ZNF584: variants seen among roughly 807,000 people sequenced by gnomAD.
ZNF584 encodes zinc finger protein 584.
Under a neutral mutation model 14.7 loss-of-function variants are expected in ZNF584, and 12 were observed. The ratio of observed to expected loss-of-function variants is 0.82; its 90% CI spans 0.52 to 1.32. The LOEUF (loss-of-function observed/expected upper bound fraction) is 1.32. Ranked by LOEUF, ZNF584 falls within the 40% of genes most tolerant of loss-of-function variation. The pLI is 0.00. For missense variants in ZNF584, 478 were observed against 518.8 expected, an observed-to-expected ratio of 0.92 and a Z score of 0.76; for synonymous variants, 204 against 190.9, an observed-to-expected ratio of 1.07 and a Z score of -0.57.
Position 58,409,929 on chromosome 19 carries a change from A to G in ZNF584, c.19-12A>G, listed in dbSNP as rs34511020. On this transcript the variant is annotated splice_polypyrimidine_tract_variant and intron_variant, in intron 1 of 3. Transcript: ENST00000306910. ...TTTTGGTTGTTTTTTTCTGCCCATC[A>G]TTGACCCCAAGGCTCAGTTGGACCC... 328,703 of 1,613,606 alleles carry G rather than the reference A, an allele frequency of 0.2. 35,016 individuals carry two copies. The highest frequency in any genetic ancestry group is 0.22 in the Non-Finnish European group (256,917 of 1,179,764).
At chr19:58,410,581 A>ATATATATATGTGTATATATATG (rs1555785567) in intron 2 of ZNF584, among the ~76,000 whole-genome samples, 1 of 27,914 alleles carries the variant, frequency 3.6e-5, no homozygotes, top group Non-Finnish European at 6.0e-5. Context: ...ATGTATATAT[A>ATATATATATGTGTATATATATG]TGTATATATA....
intron 2 of ZNF584, among the ~76,000 whole-genome samples, chr19:58,414,844 C>T (rs2052619755): frequency 6.6e-6 from 1 of 151,758 alleles, no homozygotes; most frequent in Non-Finnish European, 1.5e-5. Flanking sequence ...TCTGTTTCTT[C>T]AGTTATGTCA....
Position 58,410,745 on chromosome 19 carries a change from GTATA to G in ZNF584, c.169+668_169+671del, listed in dbSNP as rs1298705965. On this transcript the variant is annotated intron_variant, in intron 2 of 3. Coordinates refer to ENST00000306910, the MANE Select transcript of ZNF584 (RefSeq NM_173548.3). ...TATATATGTATATATATATATGTGT[GTATA>G]TATATATATATATGTATATATATAT... Among the ~76,000 whole-genome samples, 214 of 30,404 alleles carry G rather than the reference GTATA, an allele frequency of 7.0e-3. 27 individuals are homozygous for G. Among genetic ancestry groups the G allele is most frequent in the African/African-American group, 0.069 (189 of 2,736 alleles). 19.9% of individuals were successfully genotyped at this position (30,404 alleles called of 152,430 possible). A position where few individuals can be genotyped will look rare whatever the true frequency, so the allele number is the denominator to read the frequency against.
At chr19:58,403,090 T>C (rs2052442267) in intron 1 of ZNF584, among the ~76,000 whole-genome samples, 1 of 152,340 alleles carries the variant, frequency 6.6e-6, no homozygotes, top group Middle Eastern at 3.4e-3. Flanking sequence ...CAAAATGGTA[T>C]AGCCACTTTG....
At chr19:58,406,760 A>G (rs540301519), upstream of ZNF584, 2 of 152,528 alleles carry the variant, frequency 1.3e-5, no homozygotes, top group East Asian at 3.9e-4. Flanking sequence ...CATGAACTGT[A>G]AAGGGCAATC....
chr19:58,416,774 A>T (rs1450534386), intron 3 of ZNF584, 37 bp from the exon 4 acceptor site: 2 of 1,519,264 alleles, frequency 1.3e-6, no homozygotes, highest in African/African-American at 2.8e-5. Flanking sequence ...TCCTCCCTCT[A>T]GTTCAACTCT....
Position 58,417,287 on chromosome 19 carries a change from C to G in ZNF584, c.769C>G (p.Leu257Val). The change falls in exon 4 of 4, where the codon CTT (leucine) becomes GTT (valine). Residue 257 changes from leucine (L) to valine (V), a missense_variant. By Grantham distance (32) the Leu-to-Val change is conservative. Coordinates refer to ENST00000306910, the MANE Select transcript of ZNF584 (RefSeq NM_173548.3). ...TAAAACCTTCAACCGCAAAGACGCA[C>G]TTGTTCTACACCAGAGGATTCACAC... ...CGKTFNRKDA[L>V]VLHQRIHTGE... The G allele has an allele frequency of 6.2e-7, 1 of 1,614,220 alleles. No homozygotes were observed. Among genetic ancestry groups the G allele is most frequent in the South Asian group, 1.1e-5 (1 of 91,084 alleles).
intron 2 of ZNF584, among the ~76,000 whole-genome samples, chr19:58,410,727 GTATA>G (rs138175671): frequency 2.2e-4 from 8 of 36,596 alleles, no homozygotes; most frequent in African/African-American, 1.0e-3. Context: ...ATATATATAT[GTATA>G]TATATATATG....
rs1418280098 is a variant in ZNF584 at position 58,417,235 on chromosome 19, A to G, written c.717A>G (p.Ile239Met). The change falls in exon 4 of 4, where the codon ATA (isoleucine) becomes ATG (methionine). Residue 239 changes from isoleucine to methionine, a missense_variant. Coordinates refer to ENST00000306910, the MANE Select transcript of ZNF584 (RefSeq NM_173548.3). ...LRKHQKVHTG[I>M]KPFKCSDCGK... is the part of the protein sequence containing the mutation. ...AACACCAGAAGGTTCACACAGGCAT[A>G]AAACCTTTTAAGTGTAGTGACTGTG... The G allele has an allele frequency of 1.9e-6, 3 of 1,614,092 alleles. No homozygotes were observed. Among genetic ancestry groups the G allele is most frequent in the Non-Finnish European group, 2.5e-6 (3 of 1,180,050 alleles).
At position 58,415,550 on chromosome 19, in the gene ZNF584, T is replaced by G. The variant is rs1234971338; in HGVS notation, c.196T>G (p.Phe66Val). The change falls in exon 3 of 4, where the codon TTT becomes GTT. Residue 66 changes from phenylalanine to valine, a missense_variant. Around this residue, in one of 3 missense-constraint regions of ZNF584, gnomAD observed 189 missense variants for 177.9 expected, o/e 1.06. Coordinates refer to ENST00000306910, the MANE Select transcript of ZNF584 (RefSeq NM_173548.3). ...ACTTGCACCTTCGAGATCCCCTGTG[T>G]TTACCCAGCTGGAGGATGATGAACA... ...LGLAPSRSPV[F>V]TQLEDDEQSW... The G allele has an allele frequency of 6.2e-7, 1 of 1,613,840 alleles. No homozygotes were observed. The highest frequency in any genetic ancestry group is 2.2e-5 in the East Asian group (1 of 44,876).
chr19:58,406,203 C>G (rs1042507291), upstream of ZNF584: 3 of 158,262 alleles, frequency 1.9e-5, no homozygotes, highest in Non-Finnish European at 4.1e-5. Context: ...GAAAACCAGT[C>G]AGGCGTGGCG....
chr19:58,413,286 C>G (rs1173617619), intron 2 of ZNF584, among the ~76,000 whole-genome samples: 2 of 151,838 alleles, frequency 1.3e-5, no homozygotes, highest in Non-Finnish European at 2.9e-5. Flanking sequence ...CTGCTAAGCT[C>G]TGCATTTTCT....
chr19:58,411,783 A>G (rs2052575572), intron 2 of ZNF584, among the ~76,000 whole-genome samples: 1 of 147,898 alleles, frequency 6.8e-6, no homozygotes, highest in South Asian at 2.2e-4. Flanking sequence ...AGCTGGGACT[A>G]TAGGCGTGCA....
rs577942753 is a variant in ZNF584 at position 58,409,615 on chromosome 19, G to A, written c.19-326G>A. Among the ~76,000 whole-genome samples the A allele has an allele frequency of 1.2e-4, 18 of 152,268 alleles. 1 individual carries two copies. In the South Asian group the frequency reaches 3.5e-3, roughly 30 times the overall value. ...CTCTGGGACTGGAATTGGCAGGCAG[G>A]AGATAGAGTGGAGCCTGTGCCCTTG... On this transcript the variant is annotated intron_variant, in intron 1 of 3. Coordinates refer to ENST00000306910, the MANE Select transcript of ZNF584 (RefSeq NM_173548.3).
chr19:58,410,539 A>AATTTTTTTTTTTTTTTTTTTTTT lies in ZNF584; in HGVS notation c.169+448_169+449insATTTTTTTTTTTTTTTTTTTTTT. 1.2e-3 allele frequency among the ~76,000 whole-genome samples: 45 copies of AATTTTTTTTTTTTTTTTTTTTTT among 38,688 alleles called. 3 individuals carry two copies. The highest frequency in any genetic ancestry group is 1.4e-3 in the South Asian group (2 of 1,394). 25.4% of individuals were successfully genotyped at this position (38,688 alleles called of 152,430 possible). A position where few individuals can be genotyped will look rare whatever the true frequency, so the allele number is the denominator to read the frequency against. On this transcript the variant is annotated intron_variant, in intron 2 of 3. Transcript: ENST00000306910. ...GGGAAATATATATATATATATATAT[A>AATTTTTTTTTTTTTTTTTTTTTT]TATATATATATATATATATGTGTAT...
chr19:58,412,545 T>G (rs1039726186), intron 2 of ZNF584, among the ~76,000 whole-genome samples: 1 of 152,136 alleles, frequency 6.6e-6, no homozygotes, highest in Non-Finnish European at 1.5e-5. Context: ...CCTCAGGTGA[T>G]CCACCCATCT....
chr19:58,417,647 A>G lies in ZNF584; in HGVS notation c.1129A>G (p.Thr377Ala), dbSNP rs759302156. The G allele has an allele frequency of 6.2e-7, 1 of 1,614,208 alleles. No homozygotes were observed. The highest frequency in any genetic ancestry group is 1.7e-5 in the Admixed American group (1 of 60,016). ...SYRNRHQQFHTEERSYECTEC... is the reference protein window; with the variant it reads ...SYRNRHQQFHAEERSYECTEC... ...CCGCAATCGGCACCAGCAGTTCCAC[A>G]CTGAAGAGAGGTCTTATGAATGTAC... The change falls in exon 4 of 4, where the codon ACT becomes GCT. Residue 377 changes from threonine to alanine, a missense_variant. Thr to Ala is a moderately conservative substitution (Grantham distance 58). Transcript: ENST00000306910.
chr19:58,418,088 T>A lies in ZNF584; in HGVS notation c.*304T>A, dbSNP rs915293511. On this transcript the variant is annotated 3_prime_UTR_variant, in exon 4 of 4. Coordinates refer to ENST00000306910, the MANE Select transcript of ZNF584 (RefSeq NM_173548.3). ...CCTTGCTCTAAACAGTAGAGAATCG[T>A]TAATAGTGGAGCCCAAAACAGGCCT... 5 of 339,304 alleles carry A rather than the reference T, an allele frequency of 1.5e-5. No homozygotes were observed. The highest frequency in any genetic ancestry group is 2.2e-5 in the Non-Finnish European group (4 of 185,174). 21.0% of individuals were successfully genotyped at this position (339,304 alleles called of 1,614,324 possible).
Position 58,417,579 on chromosome 19 carries a change from A to G in ZNF584, c.1061A>G (p.Tyr354Cys), listed in dbSNP as rs778475103. Residue 354 changes from tyrosine (Y) to cysteine (C), a missense_variant, in exon 4 of 4, where the codon TAT (tyrosine) becomes TGT (cysteine). Physicochemically the swap from Tyr to Cys is radical, Grantham distance 194 (BLOSUM62 -2). Coordinates refer to ENST00000306910, the MANE Select transcript of ZNF584 (RefSeq NM_173548.3). ...HWKVHTGERP[Y>C]ECSLCGKTFT... is the part of the protein sequence containing the mutation. ...AAAGTCCACACTGGGGAACGGCCCT[A>G]TGAATGTAGCCTGTGTGGGAAAACC... 10 of 1,614,198 alleles carry G rather than the reference A, an allele frequency of 6.2e-6. No individual in the cohort carries two copies. In the East Asian group the frequency reaches 6.7e-5, roughly 11 times the overall value.
Sources: allele counts gnomAD v4.1 joint callset (sites outside exome capture counted in the v4.1 genomes callset), GRCh38; gene constraint gnomAD v4.1.1; regional missense constraint gnomAD v4.1.1; transcripts MANE v1.5; gene names NCBI Gene and HGNC (gene_info 2026-07-23, HGNC 2026-07-21).